GGTA1: variants seen among roughly 807,000 people sequenced by gnomAD.
The protein encoded by GGTA1 is inactive N-acetyllactosaminide alpha-1,3-galactosyltransferase.
A neutral mutation model predicts 2.6 loss-of-function variants in GGTA1; 5 were observed. The observed-to-expected ratio is 1.92, with a 90% confidence interval of 1.00 to 4.04. The LOEUF is 4.04. Among genes scored for constraint, GGTA1 ranks in the 30% most tolerant of loss-of-function variants. The pLI is 0.00. For synonymous variants in GGTA1, 17 were observed against 5.0 expected, an observed-to-expected ratio of 3.38 and a Z score of -3.19; for missense variants, 50 against 16.7, an observed-to-expected ratio of 2.99 and a Z score of -3.47.
At chr9:121,454,869 C>T (rs2064898056), downstream of GGTA1, among the ~76,000 whole-genome samples, 1 of 152,066 alleles carries the variant, frequency 6.6e-6, no homozygotes, top group South Asian at 2.1e-4. Context: ...ACAAAATTAG[C>T]CAGGCGTGGT....
chr9:121,486,722 G>A (rs1828762771), intron 1 of GGTA1, among the ~76,000 whole-genome samples: 1 of 152,192 alleles, frequency 6.6e-6, no homozygotes, highest in Non-Finnish European at 1.5e-5. Context: ...TGTAAAACTA[G>A]AAAGATAACA....
intron 1 of GGTA1, among the ~76,000 whole-genome samples, chr9:121,482,190 A>G (rs1245045615): frequency 1.3e-5 from 2 of 151,642 alleles, no homozygotes; most frequent in East Asian, 1.9e-4. Context: ...CTAGGAGGCC[A>G]GGCACAGTGG....
At chr9:121,497,619 G>A (rs1015637381) in intron 1 of GGTA1, among the ~76,000 whole-genome samples, 2 of 152,014 alleles carry the variant, frequency 1.3e-5, no homozygotes, top group Non-Finnish European at 2.9e-5. Context: ...AGGGACGGGC[G>A]CAGAATGGGG....
intron 1 of GGTA1, among the ~76,000 whole-genome samples, chr9:121,470,355 T>C (rs1272579153): frequency 1.3e-5 from 2 of 152,206 alleles, no homozygotes; most frequent in East Asian, 3.8e-4. Flanking sequence ...TGTAGCATTT[T>C]CTGAGATGTG....
chr9:121,473,370 A>C (rs1828436007), intron 1 of GGTA1, among the ~76,000 whole-genome samples: 1 of 151,804 alleles, frequency 6.6e-6, no homozygotes, highest in Admixed American at 6.6e-5. Context: ...CGAACGAGCC[A>C]ATTTTGCATC....
intron 5 of GGTA1, among the ~76,000 whole-genome samples, chr9:121,457,392 TGA>T (rs996341450): frequency 1.3e-5 from 2 of 152,072 alleles, no homozygotes; most frequent in Non-Finnish European, 2.9e-5. Context: ...TGAAAATGGA[TGA>T]GAGCACATTG....
intron 1 of GGTA1, among the ~76,000 whole-genome samples, chr9:121,471,047 A>G (rs1828377431): frequency 6.6e-6 from 1 of 152,242 alleles, no homozygotes; most frequent in Admixed American, 6.5e-5. Flanking sequence ...GGAAAAGGAA[A>G]GAAGCCGGCC....
chr9:121,448,715 A>AT (rs1564649055), intron 7 of GGTA1, among the ~76,000 whole-genome samples: 1 of 152,200 alleles, frequency 6.6e-6, no homozygotes, highest in East Asian at 1.9e-4. Context: ...GAGTTCTCAT[A>AT]TACCTCCTGC....
chr9:121,491,580 G>A (rs917332372), intron 1 of GGTA1, among the ~76,000 whole-genome samples: 2 of 151,858 alleles, frequency 1.3e-5, no homozygotes, highest in Non-Finnish European at 2.9e-5. Context: ...CTTCTTTGTG[G>A]CTGTCACTGT....
At chr9:121,464,313 G>A (rs2064985645) in intron 2 of GGTA1, among the ~76,000 whole-genome samples, 1 of 142,458 alleles carries the variant, frequency 7.0e-6, no homozygotes, top group Non-Finnish European at 1.5e-5. Flanking sequence ...CATAATTTTT[G>A]CCTCCTTGAG....
At chr9:121,486,246 G>A (rs1190211166) in intron 1 of GGTA1, among the ~76,000 whole-genome samples, 1 of 152,236 alleles carries the variant, frequency 6.6e-6, no homozygotes, top group Non-Finnish European at 1.5e-5. Flanking sequence ...CTTTACAGCT[G>A]AAGCCAGAAC....
intron 1 of GGTA1, among the ~76,000 whole-genome samples, chr9:121,497,702 C>A (rs1420517392): frequency 6.6e-6 from 1 of 152,168 alleles, no homozygotes; most frequent in Non-Finnish European, 1.5e-5. Flanking sequence ...GGTACCTAGT[C>A]TACTCAGTTG....
intron 1 of GGTA1, among the ~76,000 whole-genome samples, chr9:121,499,299 G>T (rs1589341756): frequency 6.6e-6 from 1 of 151,916 alleles, no homozygotes; most frequent in East Asian, 1.9e-4. Flanking sequence ...CACTCACTGC[G>T]ACTTACTTGG....
chr9:121,492,769 C>A (rs188700002), intron 1 of GGTA1, among the ~76,000 whole-genome samples: 1 of 152,048 alleles, frequency 6.6e-6, no homozygotes. Context: ...CCACCGCGCC[C>A]GGTCGAGTTC....
chr9:121,465,696 G>C (rs2065000665), intron 2 of GGTA1, among the ~76,000 whole-genome samples: 2 of 152,130 alleles, frequency 1.3e-5, no homozygotes, highest in Non-Finnish European at 2.9e-5. Context: ...GGACTCCCCA[G>C]CCTCTAGAAC....
chr9:121,493,160 T>C (rs1014387397), intron 1 of GGTA1, among the ~76,000 whole-genome samples: 1 of 151,260 alleles, frequency 6.6e-6, no homozygotes, highest in Non-Finnish European at 1.5e-5. Flanking sequence ...AGGAACTGAT[T>C]GCAGGACAGG....
At chr9:121,496,518 C>T (rs1436411350) in intron 1 of GGTA1, among the ~76,000 whole-genome samples, 2 of 151,710 alleles carry the variant, frequency 1.3e-5, no homozygotes, top group Non-Finnish European at 2.9e-5. Context: ...ATCACAAGGT[C>T]AGGAGTTTGA....
intron 5 of GGTA1, among the ~76,000 whole-genome samples, chr9:121,456,266 T>C (rs2064910418): frequency 6.6e-6 from 1 of 152,308 alleles, no homozygotes; most frequent in Non-Finnish European, 1.5e-5. Flanking sequence ...AATGGTGTGA[T>C]GCCAGTGTGA....
At position 121,476,454 on chromosome 9, in the gene GGTA1, C is replaced by T. The variant is rs1828512624; in HGVS notation, c.-9-8523G>A. On this transcript the variant is annotated intron_variant, in intron 1 of 5. Coordinates refer to ENST00000481799, the MANE Select transcript of GGTA1 (RefSeq NM_001382585.1). The surrounding 1 kb of genome is among the most constrained non-coding windows in gnomAD (Gnocchi z 4.6). ...CAGACTCCTTGGCCCAGAAACAAGT[C>T]CTTTGGAGCTAAGATTCCCCAGTAA... Among the ~76,000 whole-genome samples, 1 of 152,142 alleles carries T rather than the reference C, an allele frequency of 6.6e-6. No homozygotes were observed. Among genetic ancestry groups the T allele is most frequent in the African/African-American group, 2.4e-5 (1 of 41,406 alleles).
Sources: gnomAD v4.1 joint callset for allele counts (sites outside exome capture counted in the v4.1 genomes callset) on GRCh38, gnomAD v4.1.1 for gene constraint, Gnocchi (gnomAD v3.1) non-coding constraint, MANE v1.5 for transcripts, NCBI Gene and HGNC (gene_info 2026-07-23, HGNC 2026-07-21) for gene names.